The following EXOC5 variants were observed in gnomAD, a reference collection of about 807,000 sequenced individuals.
EXOC5 encodes exocyst complex component 5, also known as SEC10-like 1.
A neutral mutation model predicts 90.8 loss-of-function variants in EXOC5; 17 were observed. The ratio of observed to expected loss-of-function variants is 0.19; its 90% confidence interval spans 0.13 to 0.28. EXOC5 has a LOEUF of 0.28. EXOC5 is among the 10% of genes least tolerant of loss of function. The pLI, the probability that EXOC5 is intolerant of heterozygous loss-of-function variation, is 1.00. For synonymous variants in EXOC5, 260 were observed against 270.0 expected (o/e 0.96, Z 0.36); for missense variants, 569 against 830.6 (o/e 0.69, Z 3.87).
chr14:57,232,966 A>G (rs2139636962), intron 9 of EXOC5: 1 of 415,170 alleles, frequency 2.4e-6, no homozygotes, highest in African/African-American at 2.1e-5. Flanking sequence ...GAGGATCTTT[A>G]TCAGTCTTAG....
chr14:57,214,522 G>C (rs941142834), intron 15 of EXOC5, among the ~76,000 whole-genome samples: 2 of 152,116 alleles, frequency 1.3e-5, no homozygotes, highest in African/African-American at 4.8e-5. Flanking sequence ...GGGAAAAACA[G>C]GTAGGAGCAA....
In EXOC5 at chr14:57,244,216, A is replaced by C; in HGVS notation, c.414T>G (p.Asn138Lys). Residue 138 changes from asparagine (N) to lysine (K), a missense_variant, in exon 4 of 18, where the codon AAT (asparagine) becomes AAG (lysine). Physicochemically the swap from Asn to Lys is moderately conservative, Grantham distance 94. Around this residue, in one of 9 missense-constraint regions of EXOC5, gnomAD observed 97 missense variants for 177.9 expected, o/e 0.55. Transcript: ENST00000621441. ...ATTTCAATTCTCCATCTAGAAACTC[A>C]TTAAAGTATTTCATCAATTTCTGAG... ...VEAQKLMKYF[N>K]EFLDGELKSD... 2 of 1,613,780 alleles carry C rather than the reference A, an allele frequency of 1.2e-6. No homozygotes were observed. The highest frequency in any genetic ancestry group is 1.7e-6 in the Non-Finnish European group (2 of 1,179,694).
chr14:57,229,904 GA>G (rs757983971), intron 11 of EXOC5, 23 bp from the exon 12 acceptor site: 1 of 1,313,372 alleles, frequency 7.6e-7, no homozygotes, highest in Non-Finnish European at 1.0e-6. Context: ...AAAGACAAAT[GA>G]AAAAAAGAAA....
chr14:57,222,239 C>A, intron 13 of EXOC5, 69 bp downstream of exon 13: 2 of 720,638 alleles, frequency 2.8e-6, no homozygotes, highest in South Asian at 4.3e-5. Flanking sequence ...AGCAAAACAA[C>A]ATTATGCATA....
chr14:57,219,398 C>T lies in EXOC5; in HGVS notation c.1450G>A (p.Asp484Asn). Residue 484 changes from aspartate to asparagine, a missense_variant, in exon 14 of 18, where the codon GAC (aspartate) becomes AAC (asparagine). Around this residue, in one of 9 missense-constraint regions of EXOC5, gnomAD observed 34 missense variants for 101.1 expected, o/e 0.34. Transcript: ENST00000621441. The stretch of plus-strand genomic sequence containing the variant: ...ATAGTATTGGCCTGTTGCACAACGT[C>T]CAAAAAATAAAGATTTGCATTCCTA... ...DSRNANLYFL[D>N]VVQQANTIFH... 1 of 1,565,368 alleles carries T rather than the reference C, an allele frequency of 6.4e-7. No individual in the cohort carries two copies. The highest frequency in any genetic ancestry group is 8.7e-7 in the Non-Finnish European group (1 of 1,153,070).
At position 57,202,924 on chromosome 14, in the gene EXOC5, A is replaced by C. The variant is rs1262597273; in HGVS notation, c.*5685T>G. 1 of 152,192 alleles carries C rather than the reference A, an allele frequency of 6.6e-6. No individual in the cohort carries two copies. Among genetic ancestry groups the C allele is most frequent in the Non-Finnish European group, 1.5e-5 (1 of 68,036 alleles). 9.4% of individuals were successfully genotyped at this position (152,192 alleles called of 1,614,324 possible). ...AAAAATTGAAAATACATTCTACTGG[A>C]GAACTTAAGAGAGGCACTTAGGTAT... is the stretch of plus-strand genomic sequence containing the variant. On this transcript the variant is annotated 3_prime_UTR_variant, in exon 18 of 18. Coordinates refer to ENST00000621441, the MANE Select transcript of EXOC5 (RefSeq NM_006544.4).
In EXOC5 at chr14:57,201,687, C is replaced by T. The variant is rs1882513948; in HGVS notation, c.*6922G>A. The T allele has an allele frequency of 6.6e-6, 1 of 150,612 alleles. No individual in the cohort carries two copies. Among genetic ancestry groups the T allele is most frequent in the African/African-American group, 2.4e-5 (1 of 41,054 alleles). 9.3% of individuals were successfully genotyped at this position (150,612 alleles called of 1,614,324 possible). On this transcript the variant is annotated 3_prime_UTR_variant, in exon 18 of 18. Coordinates refer to ENST00000621441, the MANE Select transcript of EXOC5 (RefSeq NM_006544.4). ...ATCACTTAAGGCTAGGAGTTTGACA[C>T]CAGCCTGACCAACACGGCAAAACCC...
intron 1 of EXOC5, chr14:57,268,331 T>C: frequency 1.4e-5 from 10 of 697,522 alleles, no homozygotes; most frequent in South Asian, 5.8e-5. Flanking sequence ...CACCCGAACC[T>C]TCCAGACTTT....
chr14:57,228,852 T>TAAA (rs574621292), intron 12 of EXOC5, among the ~76,000 whole-genome samples: 50 of 70,440 alleles, frequency 7.1e-4, no homozygotes, highest in Admixed American at 1.9e-3. Flanking sequence ...ACTTAAAGTA[T>TAAA]AAAAAAAAAA....
In EXOC5 at chr14:57,238,381, C is replaced by T. The variant is rs935529677; in HGVS notation, c.531-1015G>A. 9.7e-4 allele frequency among the ~76,000 whole-genome samples: 129 copies of T among 132,896 alleles called. 2 individuals carry two copies. The highest frequency in any genetic ancestry group is 6.6e-3 in the South Asian group (25 of 3,788). The allele number at this position is 132,896 out of a possible 152,430, so 87.2% of individuals were successfully genotyped here. On this transcript the variant is annotated intron_variant, in intron 5 of 17. Coordinates refer to ENST00000621441, the MANE Select transcript of EXOC5 (RefSeq NM_006544.4). ...ATATATATATATATATATATACACA[C>T]ACACACACACACACACACACACACA...
chr14:57,257,270 G>C (rs1452536615), intron 1 of EXOC5, among the ~76,000 whole-genome samples: 1 of 152,336 alleles, frequency 6.6e-6, no homozygotes, highest in African/African-American at 2.4e-5. Context: ...GATCAGGGAA[G>C]GAGATGGATG....
chr14:57,231,189 A>G (rs2139634629), intron 11 of EXOC5, among the ~76,000 whole-genome samples: 1 of 151,876 alleles, frequency 6.6e-6, no homozygotes, highest in Non-Finnish European at 1.5e-5. Context: ...TTGTGTTTTT[A>G]GTAGAGATGG....
intron 4 of EXOC5, among the ~76,000 whole-genome samples, chr14:57,242,404 T>A (rs1371612319): frequency 6.0e-5 from 8 of 133,058 alleles, no homozygotes; most frequent in African/African-American, 3.4e-4. Flanking sequence ...GCCACAACGG[T>A]CAGCTAATTT....
At chr14:57,235,435 T>C (rs1243755201) in intron 7 of EXOC5, among the ~76,000 whole-genome samples, 1 of 152,110 alleles carries the variant, frequency 6.6e-6, no homozygotes, top group Non-Finnish European at 1.5e-5. Context: ...GCAGACAATA[T>C]GATTTTCTTT....
At chr14:57,262,735 A>G (rs988534259) in intron 1 of EXOC5, among the ~76,000 whole-genome samples, 16 of 146,230 alleles carry the variant, frequency 1.1e-4, no homozygotes, top group African/African-American at 3.9e-4. Context: ...ATATATACGT[A>G]TATATGTGTG....
chr14:57,257,248 C>A (rs1884374089), intron 1 of EXOC5, among the ~76,000 whole-genome samples: 1 of 152,120 alleles, frequency 6.6e-6, no homozygotes, highest in South Asian at 2.1e-4. Flanking sequence ...GTGCTAATTA[C>A]TGAGATGGGA....
Position 57,237,349 on chromosome 14 carries a change from G to T in EXOC5, c.548C>A (p.Ser183Tyr). ...LPFDRFSEVK[S>Y]KIASKYHDLE... ...AATACATCACTTACTTGCAATTTTG[G>T]ATTTAACTTCTGAAAATCTGAAAGA... Residue 183 changes from serine to tyrosine, a missense_variant, in exon 6 of 18, where the codon TCC (serine) becomes TAC (tyrosine). Physicochemically the swap from Ser to Tyr is moderately radical, Grantham distance 144. This residue lies in a region of EXOC5 where 97 missense variants were observed against 177.9 expected (regional missense o/e 0.55). Coordinates refer to ENST00000621441, the MANE Select transcript of EXOC5 (RefSeq NM_006544.4). 2 of 1,512,596 alleles carry T rather than the reference G, an allele frequency of 1.3e-6. No individual in the cohort carries two copies. The highest frequency in any genetic ancestry group is 1.8e-6 in the Non-Finnish European group (2 of 1,113,072). 93.7% of individuals were successfully genotyped at this position (1,512,596 alleles called of 1,614,324 possible). A position where few individuals can be genotyped will look rare whatever the true frequency, so the allele number is the denominator to read the frequency against.
intron 5 of EXOC5, among the ~76,000 whole-genome samples, chr14:57,237,960 A>G (rs1417497375): frequency 6.6e-6 from 1 of 152,064 alleles, no homozygotes; most frequent in Non-Finnish European, 1.5e-5. Flanking sequence ...CACGCAGTAG[A>G]ATTTTTTCAA....
chr14:57,237,297 T>C (rs1370651152), intron 6 of EXOC5, 41 bp downstream of exon 6: 3 of 1,078,998 alleles, frequency 2.8e-6, no homozygotes, highest in African/African-American at 1.6e-5. Context: ...AAGTAGTTTT[T>C]TTACTTATTA....
Sources: allele counts gnomAD v4.1 joint callset (sites outside exome capture counted in the v4.1 genomes callset), GRCh38; gene constraint gnomAD v4.1.1; regional missense constraint gnomAD v4.1.1; transcripts MANE v1.5; gene names NCBI Gene and HGNC (gene_info 2026-07-23, HGNC 2026-07-21).